FOXM1: variants seen among roughly 807,000 people sequenced by gnomAD.
FOXM1 encodes the protein forkhead box protein M1.
In FOXM1, 25 loss-of-function variants were observed where a neutral mutation model predicts 63.6. That is an observed-to-expected ratio of 0.39 (90% CI 0.29 to 0.55). The LOEUF is 0.55. Among genes scored for constraint, FOXM1 ranks in the 20% least tolerant of loss-of-function variants. FOXM1 has a pLI of 0.60. For synonymous variants in FOXM1, 387 were observed against 376.9 expected (o/e 1.03, Z -0.31); for missense variants, 879 against 958.7 (o/e 0.92, Z 1.10).
In FOXM1 at chr12:2,864,139, T is replaced by A; in HGVS notation, c.1266+181A>T. On this transcript the variant is annotated intron_variant, in intron 8 of 8. Transcript: ENST00000359843. This position sits in a 1 kb window ranked among gnomAD's most constrained non-coding sequence, Gnocchi z 5.1. ...ATGGGCCTTCTGACACCACTTACAT[T>A]GTAATCCAAATACCTTTTTAGCTCT... The A allele has an allele frequency of 3.3e-6, 2 of 608,112 alleles. No individual in the cohort carries two copies. Among genetic ancestry groups the A allele is most frequent in the South Asian group, 4.7e-5 (2 of 42,866 alleles). 37.7% of individuals were successfully genotyped at this position (608,112 alleles called of 1,614,324 possible). A position where few individuals can be genotyped will look rare whatever the true frequency, so the allele number is the denominator to read the frequency against.
rs979561457 is a variant in FOXM1 at position 2,865,265 on chromosome 12, A to C, written c.1020+90T>G. On this transcript the variant is annotated intron_variant, in intron 6 of 8. Coordinates refer to ENST00000359843, the MANE Select transcript of FOXM1 (RefSeq NM_021953.4). ...AACATGGCCATAGGGACCCTTCCCC[A>C]CATCACATCTTGTCTCTGTCCACTA... 3.4e-5 allele frequency: 41 copies of C among 1,211,270 alleles called. 1 individual carries two copies. The Admixed American group carries it at 5.7e-4, about 17-fold the overall frequency. 75.0% of individuals were successfully genotyped at this position (1,211,270 alleles called of 1,614,324 possible). A position where few individuals can be genotyped will look rare whatever the true frequency, so the allele number is the denominator to read the frequency against.
At chr12:2,870,231 C>T (rs1364259493) in intron 3 of FOXM1, among the ~76,000 whole-genome samples, 1 of 152,170 alleles carries the variant, frequency 6.6e-6, no homozygotes, top group Admixed American at 6.6e-5. Flanking sequence ...TCACCTTGGC[C>T]TCCCAAAGTG....
In FOXM1 at chr12:2,866,426, G is replaced by A. The variant is rs766279339; in HGVS notation, c.942C>T (p.Ala314=). The A allele has an allele frequency of 8.5e-6, 13 of 1,536,128 alleles. No homozygotes were observed. In the Admixed American group the frequency reaches 2.2e-4, roughly 26 times the overall value. ...KVSFWTIHPS[A]NRYLTLDQVF... ...CCTGGTCCAATGTCAAGTAGCGGTTGGCACTGGGGTGAATGGTCCAGAAGG... is the reference window on the plus strand; with the variant it reads ...CCTGGTCCAATGTCAAGTAGCGGTTAGCACTGGGGTGAATGGTCCAGAAGG... Residue 314 remains alanine, a synonymous_variant, in exon 5 of 9, where the codon GCC becomes GCT. Coordinates refer to ENST00000359843, the MANE Select transcript of FOXM1 (RefSeq NM_021953.4).
In FOXM1 at chr12:2,858,603, G is replaced by C; in HGVS notation, c.*35C>G. 1 of 1,586,470 alleles carries C rather than the reference G, an allele frequency of 6.3e-7. No homozygotes were observed. Among genetic ancestry groups the C allele is most frequent in the Non-Finnish European group, 8.6e-7 (1 of 1,162,970 alleles). ...ACTGAGCCTTGGAGTGCCCGGGATG[G>C]TGGACAGCTTGAGCACAGGGGCAAG... On this transcript the variant is annotated 3_prime_UTR_variant, in exon 9 of 9. Coordinates refer to ENST00000359843, the MANE Select transcript of FOXM1 (RefSeq NM_021953.4).
Position 2,859,650 on chromosome 12 carries a change from T to C in FOXM1, c.1280A>G (p.Glu427Gly). The stretch of plus-strand genomic sequence containing the variant: ...AGAAGAAAGAGGAGCTATCCCCTCC[T>C]CAGCTAGCAGCACCTGAAAGGGAAA... Reference protein sequence around the residue: ...VRIAPKVLLAEEGIAPLSSAG... With the variant: ...VRIAPKVLLAGEGIAPLSSAG... Residue 427 changes from glutamate to glycine, a missense_variant, in exon 9 of 9, where the codon GAG becomes GGG. Glu to Gly is a moderately conservative substitution (Grantham distance 98, BLOSUM62 -2). Transcript: ENST00000359843. 1 of 1,606,742 alleles carries C rather than the reference T, an allele frequency of 6.2e-7. No individual in the cohort carries two copies. The highest frequency in any genetic ancestry group is 8.5e-7 in the Non-Finnish European group (1 of 1,177,688).
chr12:2,861,535 A>G, intron 8 of FOXM1: 1 of 382,494 alleles, frequency 2.6e-6, no homozygotes, highest in East Asian at 4.0e-5. Context: ...GCTGGCAAAG[A>G]TATAGATCTT....
chr12:2,877,003 G>A lies in FOXM1; in HGVS notation c.-131C>T, dbSNP rs1271803657. 1 of 152,070 alleles carries A rather than the reference G, an allele frequency of 6.6e-6. No homozygotes were observed. Among genetic ancestry groups the A allele is most frequent in the Non-Finnish European group, 1.5e-5 (1 of 67,990 alleles). 9.4% of individuals were successfully genotyped at this position (152,070 alleles called of 1,614,324 possible). On this transcript the variant is annotated 5_prime_UTR_variant, in exon 1 of 9. Transcript: ENST00000359843. ...CCTCCAACCTGGGGGCCGAGCCAGG[G>A]CCCCGGACGGGGGCTCGCGCCGGAC...
In FOXM1 at chr12:2,859,473, T is replaced by C. The variant is rs1456195403; in HGVS notation, c.1457A>G (p.Glu486Gly). 1 of 1,613,958 alleles carries C rather than the reference T, an allele frequency of 6.2e-7. No homozygotes were observed. Among genetic ancestry groups the C allele is most frequent in the Middle Eastern group, 1.6e-4 (1 of 6,062 alleles). Residue 486 changes from glutamate (E) to glycine (G), a missense_variant, in exon 9 of 9, where the codon GAG (glutamate) becomes GGG (glycine). Glu to Gly is a moderately conservative substitution (Grantham distance 98). Around this residue, in one of 4 missense-constraint regions of FOXM1, gnomAD observed 486 missense variants for 453.5 expected, o/e 1.07. Coordinates refer to ENST00000359843, the MANE Select transcript of FOXM1 (RefSeq NM_021953.4). ...PIKVESPPLE[E>G]WPSPAPSFKE... Reference sequence around the variant, plus strand: ...GAAAGATGGGGCCGGGGAGGGCCACTCTTCCAAGGGAGGGCTCTCCACTTT... The same window carrying C: ...GAAAGATGGGGCCGGGGAGGGCCACCCTTCCAAGGGAGGGCTCTCCACTTT...
intron 3 of FOXM1, among the ~76,000 whole-genome samples, chr12:2,869,068 G>A (rs1471127897): frequency 6.6e-6 from 1 of 152,160 alleles, no homozygotes; most frequent in East Asian, 1.9e-4. Flanking sequence ...AAGCATTGAT[G>A]TTACACTAAA....
chr12:2,866,607 G>T, intron 4 of FOXM1, 86 bp from the exon 5 acceptor site: 1 of 1,387,416 alleles, frequency 7.2e-7, no homozygotes, highest in Non-Finnish European at 9.5e-7. Flanking sequence ...CCAGCCTCAG[G>T]CCCCTCCCAC....
chr12:2,868,653 A>G lies in FOXM1; in HGVS notation c.756T>C (p.Thr252=). 6.2e-7 allele frequency: 1 copy of G among 1,613,986 alleles called. No homozygotes were observed. The highest frequency in any genetic ancestry group is 8.5e-7 in the Non-Finnish European group (1 of 1,179,926). ...CTTTCAAAGTCATGCGCTTCCTCTCAGTGCTGTTGATGGCGAATTGTATCA... is the reference window on the plus strand; with the variant it reads ...CTTTCAAAGTCATGCGCTTCCTCTCGGTGCTGTTGATGGCGAATTGTATCA... ...MAMIQFAINS[T]ERKRMTLKDI... The change falls in exon 4 of 9, where the codon ACT becomes ACC. Residue 252 remains threonine, a synonymous_variant. Coordinates refer to ENST00000359843, the MANE Select transcript of FOXM1 (RefSeq NM_021953.4).
Position 2,859,279 on chromosome 12 carries a change from G to C in FOXM1, c.1651C>G (p.Leu551Val), listed in dbSNP as rs367655331. 1.2e-6 allele frequency: 2 copies of C among 1,613,620 alleles called. No individual in the cohort carries two copies. Among genetic ancestry groups the C allele is most frequent in the Admixed American group, 1.7e-5 (1 of 59,980 alleles). ...TCCGGCTCATCCACACAGGGAGGCA[G>C]TAGATGCTGTTTTCTCCGAGACCGG... ...RSRSRRKQHLLPPCVDEPELL... is the reference protein window; with the variant it reads ...RSRSRRKQHLVPPCVDEPELL... The change falls in exon 9 of 9, where the codon CTG (leucine) becomes GTG (valine). Residue 551 changes from leucine (L) to valine (V), a missense_variant. Coordinates refer to ENST00000359843, the MANE Select transcript of FOXM1 (RefSeq NM_021953.4).
Position 2,858,743 on chromosome 12 carries a change from G to A in FOXM1, c.2187C>T (p.Asp729=), listed in dbSNP as rs759483249. 4 of 1,614,240 alleles carry A rather than the reference G, an allele frequency of 2.5e-6. No individual in the cohort carries two copies. The highest frequency in any genetic ancestry group is 2.2e-5 in the South Asian group (2 of 91,082). ...TGTCCAGCAGGATCTTGCTGAGGCT[G>A]TCATTCATTGTGTCCAGGACCAGGC... ...TEGLVLDTMN[D]SLSKILLDIS... Residue 729 remains aspartate, a synonymous_variant, in exon 9 of 9, where the codon GAC becomes GAT. Coordinates refer to ENST00000359843, the MANE Select transcript of FOXM1 (RefSeq NM_021953.4).
At chr12:2,871,952 C>CAA in intron 3 of FOXM1, 144 bp downstream of exon 3, 1 of 910,972 alleles carries the variant, frequency 1.1e-6, no homozygotes, top group Non-Finnish European at 1.8e-6. Context: ...AAAAATAGCT[C>CAA]AAAAGTTATG....
Position 2,864,449 on chromosome 12 carries a change from T to C in FOXM1, c.1137A>G (p.Val379=), listed in dbSNP as rs2072360. 337,002 of 1,613,794 alleles carry C rather than the reference T, an allele frequency of 0.21. 36,825 individuals carry two copies. Among genetic ancestry groups the C allele is most frequent in the African/African-American group, 0.34 (25,688 of 74,960 alleles). ...PLLPRVSSYL[V]PIQFPVNQSL... is the part of the protein sequence containing the mutation. Reference sequence around the variant, plus strand: ...ACTGGTTCACCGGGAACTGGATAGGTACCAGGTATGAGCTGACCCGTGGTA... The same window carrying C: ...ACTGGTTCACCGGGAACTGGATAGGCACCAGGTATGAGCTGACCCGTGGTA... Residue 379 remains valine, a synonymous_variant, in exon 8 of 9, where the codon GTA becomes GTG. Transcript: ENST00000359843. The surrounding 1 kb of genome is among the most constrained non-coding windows in gnomAD (Gnocchi z 5.1).
rs774157004 is a variant in FOXM1 at position 2,866,434 on chromosome 12, G to A, written c.934C>T (p.Pro312Ser). Residue 312 changes from proline to serine, a missense_variant, in exon 5 of 9, where the codon CCC becomes TCC. By Grantham distance (74) the Pro-to-Ser change is moderately conservative. Coordinates refer to ENST00000359843, the MANE Select transcript of FOXM1 (RefSeq NM_021953.4). ...NGKVSFWTIH[P>S]SANRYLTLDQ... is the part of the protein sequence containing the mutation. ...AATGTCAAGTAGCGGTTGGCACTGG[G>A]GTGAATGGTCCAGAAGGAGACCTTG... The A allele has an allele frequency of 1.3e-6, 2 of 1,557,434 alleles. No individual in the cohort carries two copies. The highest frequency in any genetic ancestry group is 1.7e-6 in the Non-Finnish European group (2 of 1,153,636).
In FOXM1 at chr12:2,874,248, G is replaced by C; in HGVS notation, c.231C>G (p.Ala77=). 6.2e-7 allele frequency: 1 copy of C among 1,614,186 alleles called. No individual in the cohort carries two copies. Among genetic ancestry groups the C allele is most frequent in the Non-Finnish European group, 8.5e-7 (1 of 1,180,042 alleles). The stretch of plus-strand genomic sequence containing the variant: ...TGTGAATATTAGCATTGTTGGGGAT[G>C]GCCACTACTTGCGTGTTGGGCATGG... ...HPTMPNTQVV[A]IPNNANIHSI... Residue 77 remains alanine, a synonymous_variant, in exon 2 of 9, where the codon GCC becomes GCG. Coordinates refer to ENST00000359843, the MANE Select transcript of FOXM1 (RefSeq NM_021953.4). This position sits in a 1 kb window ranked among gnomAD's most constrained non-coding sequence, Gnocchi z 4.3.
chr12:2,860,184 T>G (rs1160755744), intron 8 of FOXM1, among the ~76,000 whole-genome samples: 2 of 152,126 alleles, frequency 1.3e-5, no homozygotes, highest in Non-Finnish European at 2.9e-5. Flanking sequence ...ACATAAAACT[T>G]TAAAATTTTA....
At chr12:2,861,253 G>C in intron 8 of FOXM1, 1 of 706,806 alleles carries the variant, frequency 1.4e-6, no homozygotes, top group Non-Finnish European at 2.5e-6. Context: ...ATTCATAGAG[G>C]ACAATTCCAA....
Sources: gnomAD v4.1 joint callset for allele counts (sites outside exome capture counted in the v4.1 genomes callset) on GRCh38, gnomAD v4.1.1 for gene constraint, gnomAD v4.1.1 regional missense constraint, Gnocchi (gnomAD v3.1) non-coding constraint, MANE v1.5 for transcripts, NCBI Gene and HGNC (gene_info 2026-07-23, HGNC 2026-07-21) for gene names.